Variants in ZYG11B observed in about 807,000 individuals in gnomAD.
ZYG11B encodes zyg-11 family member B, cell cycle regulator.
Under a neutral mutation model 82.4 loss-of-function variants are expected in ZYG11B, and 36 were observed. The ratio of observed to expected loss-of-function variants is 0.44; its 90% CI spans 0.33 to 0.58. The LOEUF (loss-of-function observed/expected upper bound fraction) is 0.58, where lower values mean the gene tolerates loss of function less well. Among genes scored for constraint, ZYG11B ranks in the 20% least tolerant of loss-of-function variants. The pLI is 0.02. For synonymous variants in ZYG11B, 303 were observed against 312.8 expected (o/e 0.97, Z 0.33); for missense variants, 552 against 895.6 (o/e 0.62, Z 4.90).
intron 1 of ZYG11B, among the ~76,000 whole-genome samples, chr1:52,753,820 T>C (rs1371854353): frequency 6.6e-6 from 1 of 152,086 alleles, no homozygotes; most frequent in Non-Finnish European, 1.5e-5. Context: ...GGTCTTGAAC[T>C]CCCGACCGCA....
chr1:52,821,685 T>C lies in ZYG11B; in HGVS notation c.*56T>C, dbSNP rs1391359428. On this transcript the variant is annotated 3_prime_UTR_variant, in exon 14 of 14. Coordinates refer to ENST00000294353, the MANE Select transcript of ZYG11B (RefSeq NM_024646.3). ...GGAATCCTTTTTGTGATTGGTCCAT[T>C]TGGAATATCTTACCCTCCCTGATGT... 1.3e-6 allele frequency: 2 copies of C among 1,503,198 alleles called. No individual in the cohort carries two copies. Among genetic ancestry groups the C allele is most frequent in the African/African-American group, 2.8e-5 (2 of 72,172 alleles). 93.1% of individuals were successfully genotyped at this position (1,503,198 alleles called of 1,614,324 possible).
At chr1:52,785,659 G>A (rs1644906988) in intron 5 of ZYG11B, among the ~76,000 whole-genome samples, 1 of 152,136 alleles carries the variant, frequency 6.6e-6, no homozygotes, top group South Asian at 2.1e-4. Context: ...GTTTCAACAT[G>A]TTGGTGAGGA....
At chr1:52,778,996 C>T (rs750201119) in intron 3 of ZYG11B, among the ~76,000 whole-genome samples, 2 of 152,076 alleles carry the variant, frequency 1.3e-5, no homozygotes, top group Non-Finnish European at 2.9e-5. Context: ...GATAATAGCT[C>T]TGAAAGAGAT....
Position 52,790,074 on chromosome 1 carries a change from G to A in ZYG11B, c.1334+7G>A. 1.3e-6 allele frequency: 2 copies of A among 1,589,224 alleles called. No homozygotes were observed. The highest frequency in any genetic ancestry group is 2.2e-5 in the East Asian group (1 of 44,502). ...AAGATGTTCCATTTAACAGGCAAGT[G>A]ATAGCTCTAGAACTTAAAGTGGGGC... On this transcript the variant is annotated splice_region_variant and intron_variant, in intron 6 of 13. Coordinates refer to ENST00000294353, the MANE Select transcript of ZYG11B (RefSeq NM_024646.3).
intron 6 of ZYG11B, among the ~76,000 whole-genome samples, chr1:52,793,875 C>CCTTT (rs1644980824): frequency 3.0e-5 from 4 of 131,794 alleles, no homozygotes; most frequent in Non-Finnish European, 4.7e-5. Context: ...TTCTTTCCTT[C>CCTTT]CTTCCTTCCT....
chr1:52,756,729 G>GGCCGGGCGCGGTGGCTCACGCCTGTAAT, intron 2 of ZYG11B, 106 bp downstream of exon 2: 1 of 1,039,232 alleles, frequency 9.6e-7, no homozygotes, highest in Non-Finnish European at 1.4e-6. Context: ...AACTGAGAAG[G>GGCCGGGCGCGGTGGCTCACGCCTGTAAT]CCAAATGAGC....
At chr1:52,741,315 A>AAAAAAAAAAAG (rs1553257617) in intron 1 of ZYG11B, among the ~76,000 whole-genome samples, 44 of 142,562 alleles carry the variant, frequency 3.1e-4, no homozygotes, top group East Asian at 1.1e-3. Context: ...AAAAAAAAAA[A>AAAAAAAAAAAG]AAAAGAAAAG....
intron 1 of ZYG11B, among the ~76,000 whole-genome samples, chr1:52,741,849 A>C (rs1208956196): frequency 1.3e-5 from 2 of 152,122 alleles, no homozygotes; most frequent in African/African-American, 2.4e-5. Context: ...GTTCAGGGAG[A>C]TTAAGTACTT....
At chr1:52,770,253 A>G (rs1019034891) in intron 2 of ZYG11B, among the ~76,000 whole-genome samples, 1 of 151,496 alleles carries the variant, frequency 6.6e-6, no homozygotes, top group Non-Finnish European at 1.5e-5. Flanking sequence ...ACTGTGCCCA[A>G]CTCGTTTTCA....
rs77735793 is a variant in ZYG11B at position 52,748,084 on chromosome 1, A to G, written c.31-8374A>G. On this transcript the variant is annotated intron_variant, in intron 1 of 13. Coordinates refer to ENST00000294353, the MANE Select transcript of ZYG11B (RefSeq NM_024646.3). ...GTAGAGTAGTTAAGAACTTAAAAAT[A>G]TAAACTTTGGCCTCATTCTTGTGTT... 5.0e-3 allele frequency among the ~76,000 whole-genome samples: 760 copies of G among 152,346 alleles called. 5 individuals carry two copies. Among genetic ancestry groups the G allele is most frequent in the African/African-American group, 0.018 (733 of 41,582 alleles).
chr1:52,796,606 C>T (rs552125851), intron 7 of ZYG11B, 128 bp from the exon 8 acceptor site: 14 of 905,638 alleles, frequency 1.5e-5, no homozygotes, highest in Admixed American at 1.5e-4. Context: ...TCCCAAAAAC[C>T]GATATGCAGC....
rs1645203372 is a variant in ZYG11B at position 52,813,920 on chromosome 1, G to C, written c.1946+8G>C. The stretch of plus-strand genomic sequence containing the variant: ...TGAGATGGTAGCATACAGGTAATTA[G>C]TATCATAATTAACAGTAAACCAGCA... On this transcript the variant is annotated splice_region_variant and intron_variant, in intron 12 of 13. Transcript: ENST00000294353. 2 of 1,613,144 alleles carry C rather than the reference G, an allele frequency of 1.2e-6. No homozygotes were observed. Among genetic ancestry groups the C allele is most frequent in the African/African-American group, 2.7e-5 (2 of 74,976 alleles).
Position 52,819,056 on chromosome 1 carries a change from C to T in ZYG11B, c.2045-2383C>T, listed in dbSNP as rs542771435. The stretch of plus-strand genomic sequence containing the variant: ...CCTCTCAAAGTGCTGGGATTACAGG[C>T]ATGAGCCACCGCACCCAGCTCCTTC... On this transcript the variant is annotated intron_variant, in intron 13 of 13. Coordinates refer to ENST00000294353, the MANE Select transcript of ZYG11B (RefSeq NM_024646.3). Among the ~76,000 whole-genome samples, 5 of 152,300 alleles carry T rather than the reference C, an allele frequency of 3.3e-5. No individual in the cohort carries two copies. The East Asian group carries it at 9.6e-4, about 29-fold the overall frequency.
intron 13 of ZYG11B, among the ~76,000 whole-genome samples, 174 bp from the exon 14 acceptor site, chr1:52,821,265 G>A (rs1214432788): frequency 6.6e-6 from 1 of 151,974 alleles, no homozygotes; most frequent in Non-Finnish European, 1.5e-5. Flanking sequence ...GCCTTGCACT[G>A]TAGACGTAAC....
chr1:52,754,084 G>T (rs1255941637), intron 1 of ZYG11B, among the ~76,000 whole-genome samples: 2 of 150,846 alleles, frequency 1.3e-5, no homozygotes, highest in East Asian at 4.0e-4. Context: ...TGAGTGCAGT[G>T]GCACCATCCT....
chr1:52,772,084 GA>G, intron 3 of ZYG11B: 1 of 781,268 alleles, frequency 1.3e-6, no homozygotes, highest in Non-Finnish European at 2.2e-6. Flanking sequence ...GTTGTCTTAT[GA>G]TGATAATGTT....
intron 1 of ZYG11B, among the ~76,000 whole-genome samples, chr1:52,747,187 A>G (rs960193767): frequency 7.9e-5 from 12 of 152,240 alleles, no homozygotes; most frequent in Middle Eastern, 3.4e-3. Flanking sequence ...TTGCCTGTCT[A>G]CTAGGGTGCC....
At chr1:52,814,753 T>G (rs1359149424) in intron 12 of ZYG11B, among the ~76,000 whole-genome samples, 1 of 151,996 alleles carries the variant, frequency 6.6e-6, no homozygotes, top group African/African-American at 2.4e-5. Flanking sequence ...AAGTGAGTTG[T>G]GACCTGAGTG....
chr1:52,732,488 G>A lies in ZYG11B; in HGVS notation c.30+5805G>A, dbSNP rs529677571. On this transcript the variant is annotated intron_variant, in intron 1 of 13. Transcript: ENST00000294353. ...CTAAATTAATAATTTGGCCGGGTGT[G>A]GTGGCTCACGCCTGTAATCCCAGCA... Among the ~76,000 whole-genome samples, 36 of 152,298 alleles carry A rather than the reference G, an allele frequency of 2.4e-4. No homozygotes were observed. In the South Asian group the frequency reaches 7.0e-3, roughly 30 times the overall value.
Sources: gnomAD v4.1 joint callset for allele counts (sites outside exome capture counted in the v4.1 genomes callset) on GRCh38, gnomAD v4.1.1 for gene constraint, MANE v1.5 for transcripts, NCBI Gene and HGNC (gene_info 2026-07-23, HGNC 2026-07-21) for gene names.